Variants in SCRN1 observed in about 807,000 individuals in gnomAD.
SCRN1 encodes the protein secernin 1.
SCRN1 carries 19 observed loss-of-function variants against 43.3 expected under a neutral mutation model. The ratio of observed to expected loss-of-function variants is 0.44; its 90% confidence interval spans 0.31 to 0.64. SCRN1 has a LOEUF of 0.64. Ranked by LOEUF, SCRN1 falls within the 30% of genes least tolerant of loss-of-function variation. SCRN1 has a pLI of 0.09. For missense variants in SCRN1, 447 were observed against 524.1 expected, an observed-to-expected ratio of 0.85 and a Z score of 1.44; for synonymous variants, 183 against 188.9, an observed-to-expected ratio of 0.97 and a Z score of 0.26.
chr7:29,981,493 G>A (rs1278892569), intron 1 of SCRN1, among the ~76,000 whole-genome samples: 1 of 152,184 alleles, frequency 6.6e-6, no homozygotes, highest in Non-Finnish European at 1.5e-5. Flanking sequence ...AGCTGACAGG[G>A]GAGTAAATTA....
chr7:29,938,581 G>A lies in SCRN1; in HGVS notation c.740-1860C>T, dbSNP rs140493461. 3.6e-3 allele frequency among the ~76,000 whole-genome samples: 541 copies of A among 152,356 alleles called. 6 individuals are homozygous for A. Among genetic ancestry groups the A allele is most frequent in the African/African-American group, 0.012 (503 of 41,578 alleles). On this transcript the variant is annotated intron_variant, in intron 5 of 7. Coordinates refer to ENST00000242059, the MANE Select transcript of SCRN1 (RefSeq NM_014766.5). ...AAGGAACACCTGGCCCACCCAGGGCGGAAAACCGCTTAAAGGCTTTCTTAA... is the reference window on the plus strand; with the variant it reads ...AAGGAACACCTGGCCCACCCAGGGCAGAAAACCGCTTAAAGGCTTTCTTAA...
At chr7:29,957,808 A>T (rs1198643803) in intron 2 of SCRN1, among the ~76,000 whole-genome samples, 2 of 152,208 alleles carry the variant, frequency 1.3e-5, no homozygotes, top group East Asian at 3.8e-4. Flanking sequence ...CTAAGGGCTT[A>T]AGAGAGGAAG....
chr7:29,943,759 G>A (rs1357098302), intron 4 of SCRN1, among the ~76,000 whole-genome samples: 5 of 152,118 alleles, frequency 3.3e-5, no homozygotes, highest in African/African-American at 1.2e-4. Context: ...CAGAAAATAC[G>A]AAATGTTAAG....
intron 2 of SCRN1, among the ~76,000 whole-genome samples, chr7:29,964,213 A>G (rs1273375839): frequency 1.3e-5 from 2 of 152,236 alleles, no homozygotes; most frequent in South Asian, 2.1e-4. Context: ...AAGACTGCAC[A>G]CAAATATTTA....
chr7:29,946,837 AG>A (rs1377018644), intron 3 of SCRN1, among the ~76,000 whole-genome samples: 2 of 152,228 alleles, frequency 1.3e-5, no homozygotes, highest in Non-Finnish European at 2.9e-5. Context: ...GAATAACACC[AG>A]GGTTACACCC....
chr7:29,930,297 G>A (rs1414922014), intron 6 of SCRN1, among the ~76,000 whole-genome samples: 1 of 152,120 alleles, frequency 6.6e-6, no homozygotes, highest in African/African-American at 2.4e-5. Context: ...CTATAATTCA[G>A]GTTTCATCAT....
chr7:29,923,787 GGACGCTGTGA>G lies in SCRN1; in HGVS notation c.*160_*169del, dbSNP rs1786848381. ...GGAAGGAGACCTACATTGCAGAAGG[GGACGCTGTGA>G]GATTCAAGGTGGAACACAAGGTAAC... On this transcript the variant is annotated 3_prime_UTR_variant, in exon 8 of 8. Coordinates refer to ENST00000242059, the MANE Select transcript of SCRN1 (RefSeq NM_014766.5). The G allele has an allele frequency of 4.2e-6, 3 of 710,778 alleles. No homozygotes were observed. In the South Asian group the frequency reaches 5.3e-5, roughly 13 times the overall value. 44.0% of individuals were successfully genotyped at this position (710,778 alleles called of 1,614,324 possible). A position where few individuals can be genotyped will look rare whatever the true frequency, so the allele number is the denominator to read the frequency against.
chr7:29,975,933 T>C (rs1788817974), intron 1 of SCRN1, among the ~76,000 whole-genome samples: 1 of 152,242 alleles, frequency 6.6e-6, no homozygotes. Flanking sequence ...TCCAACTGAT[T>C]AGTTTAATGT....
chr7:29,946,857 T>C (rs1261641454), intron 3 of SCRN1, among the ~76,000 whole-genome samples: 2 of 152,240 alleles, frequency 1.3e-5, no homozygotes, highest in Non-Finnish European at 2.9e-5. Flanking sequence ...CCTTGCCCTC[T>C]GCAACTGAGA....
intron 1 of SCRN1, among the ~76,000 whole-genome samples, chr7:29,970,749 C>T (rs1468775778): frequency 6.6e-6 from 1 of 152,152 alleles, no homozygotes; most frequent in Non-Finnish European, 1.5e-5. Flanking sequence ...CTCTTTTCTC[C>T]CGCCATGCCT....
At position 29,950,291 on chromosome 7, in the gene SCRN1, C is replaced by G. The variant is rs1183949690; in HGVS notation, c.341+4888G>C. Among the ~76,000 whole-genome samples, 1 of 152,214 alleles carries G rather than the reference C, an allele frequency of 6.6e-6. No individual in the cohort carries two copies. The highest frequency in any genetic ancestry group is 1.5e-5 in the Non-Finnish European group (1 of 68,046). ...GGGTGTGCACATGCTTAGGGTGGTG[C>G]TGACACACCAGCCCCCTGCCGCCTC... On this transcript the variant is annotated intron_variant, in intron 3 of 7. Transcript: ENST00000242059. The surrounding 1 kb of genome is among the most constrained non-coding windows in gnomAD (Gnocchi z 4.5).
Position 29,986,768 on chromosome 7 carries a change from AGGCTG to A in SCRN1, c.-2+2869_-2+2873del, listed in dbSNP as rs1458359309. Among the ~76,000 whole-genome samples, 4 of 121,102 alleles carry A rather than the reference AGGCTG, an allele frequency of 3.3e-5. No homozygotes were observed. In the Admixed American group the frequency reaches 4.9e-4, roughly 15 times the overall value. 79.4% of individuals were successfully genotyped at this position (121,102 alleles called of 152,430 possible). On this transcript the variant is annotated intron_variant, in intron 1 of 7. Coordinates refer to ENST00000242059, the MANE Select transcript of SCRN1 (RefSeq NM_014766.5). ...GAGACGGAGTCTCGCTCTGTCGCCC[AGGCTG>A]GAGTGCAGTGGCACCATCTCGCCTC...
chr7:29,979,148 A>C (rs1205310755), intron 1 of SCRN1, among the ~76,000 whole-genome samples: 1 of 152,154 alleles, frequency 6.6e-6, no homozygotes, highest in African/African-American at 2.4e-5. Flanking sequence ...GCGGGTCACA[A>C]GGTCAGGAGT....
At chr7:29,932,917 T>A (rs1180722141) in intron 6 of SCRN1, among the ~76,000 whole-genome samples, 1 of 152,046 alleles carries the variant, frequency 6.6e-6, no homozygotes, top group African/African-American at 2.4e-5. Flanking sequence ...CACTCTGTCA[T>A]GCAGGCTGGA....
intron 4 of SCRN1, among the ~76,000 whole-genome samples, chr7:29,941,370 C>T (rs1402871066): frequency 2.6e-5 from 4 of 152,178 alleles, no homozygotes; most frequent in Admixed American, 1.3e-4. Context: ...CACTTTACAC[C>T]CCTACTCCTT....
At chr7:29,975,730 C>T (rs1788808895) in intron 1 of SCRN1, among the ~76,000 whole-genome samples, 1 of 152,192 alleles carries the variant, frequency 6.6e-6, no homozygotes, top group Non-Finnish European at 1.5e-5. Flanking sequence ...CTGAATAAGG[C>T]TTCTTTGTGG....
chr7:29,980,310 G>A lies in SCRN1; in HGVS notation c.-2+9332C>T, dbSNP rs77615088. On this transcript the variant is annotated intron_variant, in intron 1 of 7. Coordinates refer to ENST00000242059, the MANE Select transcript of SCRN1 (RefSeq NM_014766.5). Reference sequence around the variant, plus strand: ...AGCATTCTCTGTGGGAAATAGGGAGGTACTGAGCAAGCCACATCTCAGGTC... The same window carrying A: ...AGCATTCTCTGTGGGAAATAGGGAGATACTGAGCAAGCCACATCTCAGGTC... Among the ~76,000 whole-genome samples the A allele has an allele frequency of 9.2e-3, 1,400 of 152,268 alleles. 12 individuals carry two copies. Among genetic ancestry groups the A allele is most frequent in the Non-Finnish European group, 0.017 (1,136 of 68,018 alleles).
rs141600640 is a variant in SCRN1, at chr7:29,955,665, C to T, written c.160-305G>A. On this transcript the variant is annotated intron_variant, in intron 2 of 7. Coordinates refer to ENST00000242059, the MANE Select transcript of SCRN1 (RefSeq NM_014766.5). ...GCCTGCCCATTTCAACAGGCACAGGCGGCTGCCAGCATTCACCAATATTGA... is the reference window on the plus strand; with the variant it reads ...GCCTGCCCATTTCAACAGGCACAGGTGGCTGCCAGCATTCACCAATATTGA... Among the ~76,000 whole-genome samples the T allele has an allele frequency of 5.2e-3, 798 of 152,284 alleles. 6 individuals carry two copies. Among genetic ancestry groups the T allele is most frequent in the South Asian group, 0.011 (53 of 4,816 alleles).
chr7:29,967,391 CTTT>C (rs372901964), intron 2 of SCRN1, among the ~76,000 whole-genome samples: 11 of 137,366 alleles, frequency 8.0e-5, no homozygotes, highest in African/African-American at 2.4e-4. Context: ...TTCATGTATA[CTTT>C]TTTTTTTTTT....
Sources: gnomAD v4.1 joint callset for allele counts (sites outside exome capture counted in the v4.1 genomes callset) on GRCh38, gnomAD v4.1.1 for gene constraint, Gnocchi (gnomAD v3.1) non-coding constraint, MANE v1.5 for transcripts, NCBI Gene and HGNC (gene_info 2026-07-23, HGNC 2026-07-21) for gene names.